The following MPRIP variants were observed in gnomAD, a reference collection of about 807,000 sequenced individuals.
The protein encoded by MPRIP is myosin phosphatase Rho interacting protein.
In MPRIP, 59 loss-of-function variants were observed where a neutral mutation model predicts 234.9. That is an observed-to-expected ratio of 0.25 (90% CI 0.20 to 0.31). MPRIP has a LOEUF of 0.31. Among genes scored for constraint, MPRIP ranks in the 10% least tolerant of loss-of-function variants. MPRIP has a pLI of 1.00. For missense variants in MPRIP, 2,436 were observed against 3,071.0 expected, an observed-to-expected ratio of 0.79 and a Z score of 4.89; for synonymous variants, 1,144 against 1,263.9, an observed-to-expected ratio of 0.91 and a Z score of 2.01.
At chr17:17,066,384 T>G (rs563221008) in intron 1 of MPRIP, among the ~76,000 whole-genome samples, 2 of 152,216 alleles carry the variant, frequency 1.3e-5, no homozygotes, top group Admixed American at 1.3e-4. Context: ...TTTTTCTGCA[T>G]CAGTTGATAG....
intron 13 of MPRIP, among the ~76,000 whole-genome samples, chr17:17,155,443 C>T (rs1271122888): frequency 6.6e-6 from 1 of 152,124 alleles, no homozygotes; most frequent in Non-Finnish European, 1.5e-5. Flanking sequence ...GGGATTTCAC[C>T]TTGTTGGCCA....
intron 7 of MPRIP, among the ~76,000 whole-genome samples, chr17:17,140,819 A>T (rs1298739265): frequency 6.6e-6 from 1 of 152,126 alleles, no homozygotes; most frequent in African/African-American, 2.4e-5. Flanking sequence ...GGCAGCAAGG[A>T]CAGCTCCCCA....
At chr17:17,067,373 C>T (rs1007004695) in intron 1 of MPRIP, among the ~76,000 whole-genome samples, 2 of 152,148 alleles carry the variant, frequency 1.3e-5, no homozygotes, top group South Asian at 2.1e-4. Context: ...ACTGCAACAC[C>T]ACCACAGTCC....
At position 17,075,802 on chromosome 17, in the gene MPRIP, G is replaced by T; in HGVS notation, c.201+15G>T. On this transcript the variant is annotated intron_variant, in intron 2 of 23. Transcript: ENST00000651222. ...ACCGGTCTCGGGTAAGGGCATCAGA[G>T]CCAACTCTCAGGGAGGAACCAGAGA... 6.2e-7 allele frequency: 1 copy of T among 1,613,646 alleles called. No homozygotes were observed. Among genetic ancestry groups the T allele is most frequent in the Non-Finnish European group, 8.5e-7 (1 of 1,179,624 alleles).
chr17:17,139,207 C>T (rs1203046578), intron 7 of MPRIP, among the ~76,000 whole-genome samples: 1 of 152,178 alleles, frequency 6.6e-6, no homozygotes, highest in African/African-American at 2.4e-5. Context: ...AGTTGGATGT[C>T]CTCTGAGGCC....
At chr17:17,067,189 C>CT (rs1166968429) in intron 1 of MPRIP, among the ~76,000 whole-genome samples, 1 of 152,142 alleles carries the variant, frequency 6.6e-6, no homozygotes, top group Non-Finnish European at 1.5e-5. Context: ...AAGATTTATT[C>CT]TTACTGTACA....
chr17:17,090,285 CT>C (rs2089684541), intron 3 of MPRIP, among the ~76,000 whole-genome samples: 1 of 152,216 alleles, frequency 6.6e-6, no homozygotes, highest in South Asian at 2.1e-4. Context: ...CTAAGGCAGG[CT>C]TGTCCCGCAG....
chr17:17,042,915 C>A lies in MPRIP; in HGVS notation c.67C>A (p.Gln23Lys). 6.2e-7 allele frequency: 1 copy of A among 1,610,878 alleles called. No homozygotes were observed. The highest frequency in any genetic ancestry group is 8.5e-7 in the Non-Finnish European group (1 of 1,179,142). ...QANIFNKSKC[Q>K]NCFKPRESHL... ...CAACATCTTCAACAAGAGCAAGTGT[C>A]AGAACTGCTTCAAGCCCCGCGAGTC... Residue 23 changes from glutamine to lysine, a missense_variant, in exon 1 of 24, where the codon CAG becomes AAG. Around this residue, in one of 4 missense-constraint regions of MPRIP, gnomAD observed 140 missense variants for 207.3 expected, o/e 0.68. Coordinates refer to ENST00000651222, the MANE Select transcript of MPRIP (RefSeq NM_001364716.4).
chr17:17,180,419 A>G (rs547102088), intron 23 of MPRIP, among the ~76,000 whole-genome samples: 2 of 152,218 alleles, frequency 1.3e-5, no homozygotes, highest in African/African-American at 4.8e-5. Flanking sequence ...CTTGCACATC[A>G]CTGTTGTGAC....
chr17:17,154,566 A>AGG, intron 13 of MPRIP, 151 bp downstream of exon 13: 1 of 654,752 alleles, frequency 1.5e-6, no homozygotes, highest in East Asian at 2.7e-5. Context: ...TCTGTTGCTC[A>AGG]GGTTCCTGTC....
intron 1 of MPRIP, among the ~76,000 whole-genome samples, chr17:17,070,572 T>A (rs1444785867): frequency 6.6e-6 from 1 of 152,234 alleles, no homozygotes; most frequent in Non-Finnish European, 1.5e-5. Context: ...TTATTTCAGT[T>A]ACCGTATTTT....
At chr17:17,048,790 G>A (rs1476155473) in intron 1 of MPRIP, among the ~76,000 whole-genome samples, 1 of 152,174 alleles carries the variant, frequency 6.6e-6, no homozygotes, top group East Asian at 1.9e-4. Context: ...AAAAAGTTCA[G>A]CATAAAACCT....
rs576678858 is a variant in MPRIP at position 17,053,571 on chromosome 17, A to G, written c.123+10600A>G. ...TAGCATGCTGGCCCATCTGCTCTTGAATGTCCACCATGGGCCAGGCCATGG... is the reference window on the plus strand; with the variant it reads ...TAGCATGCTGGCCCATCTGCTCTTGGATGTCCACCATGGGCCAGGCCATGG... On this transcript the variant is annotated intron_variant, in intron 1 of 23. Coordinates refer to ENST00000651222, the MANE Select transcript of MPRIP (RefSeq NM_001364716.4). Among the ~76,000 whole-genome samples the G allele has an allele frequency of 2.6e-5, 4 of 152,246 alleles. No individual in the cohort carries two copies. In the South Asian group the frequency reaches 8.3e-4, roughly 32 times the overall value.
At chr17:17,175,159 G>A in intron 19 of MPRIP, 134 bp from the exon 20 acceptor site, 7 of 1,284,284 alleles carry the variant, frequency 5.5e-6, no homozygotes, top group Non-Finnish European at 7.8e-6. Flanking sequence ...AGGAATTAAG[G>A]GTTATCGATT....
intron 3 of MPRIP, among the ~76,000 whole-genome samples, chr17:17,095,718 C>T (rs1381485936): frequency 6.6e-6 from 1 of 152,114 alleles, no homozygotes; most frequent in African/African-American, 2.4e-5. Context: ...CTGGCCAGAG[C>T]CAAGCCCTGG....
At chr17:17,121,820 C>G (rs1451441458) in intron 3 of MPRIP, among the ~76,000 whole-genome samples, 1 of 152,168 alleles carries the variant, frequency 6.6e-6, no homozygotes, top group African/African-American at 2.4e-5. Context: ...CCCACCCTCC[C>G]CACTCTGAAA....
At position 17,138,352 on chromosome 17, in the gene MPRIP, A is replaced by G. The variant is rs535451325; in HGVS notation, c.1173A>G (p.Arg391=). ...ISHREAFQVE[R]RRLERRTRAR... ...ACCGAGAAGCCTTCCAGGTGGAGAG[A>G]AGGCGGCTGGAGCGTAGAACTCGGG... Residue 391 remains arginine, a synonymous_variant, in exon 7 of 24, where the codon AGA becomes AGG. Transcript: ENST00000651222. This position sits in a 1 kb window ranked among gnomAD's most constrained non-coding sequence, Gnocchi z 5.8. The G allele has an allele frequency of 2.8e-6, 1 of 359,428 alleles. No individual in the cohort carries two copies. Among genetic ancestry groups the G allele is most frequent in the East Asian group, 4.8e-5 (1 of 20,770 alleles). 22.3% of individuals were successfully genotyped at this position (359,428 alleles called of 1,614,324 possible). A position where few individuals can be genotyped will look rare whatever the true frequency, so the allele number is the denominator to read the frequency against.
intron 12 of MPRIP, among the ~76,000 whole-genome samples, chr17:17,151,890 C>T (rs1223027236): frequency 2.0e-5 from 3 of 152,250 alleles, no homozygotes; most frequent in Non-Finnish European, 4.4e-5. Flanking sequence ...ACTTGGTTCT[C>T]ACACAAGGCT....
At chr17:17,082,016 T>C (rs539741994) in intron 3 of MPRIP, among the ~76,000 whole-genome samples, 1 of 152,276 alleles carries the variant, frequency 6.6e-6, no homozygotes, top group African/African-American at 2.4e-5. Flanking sequence ...GAAACCCAGA[T>C]TGCTGCCTCT....
Sources: allele counts gnomAD v4.1 joint callset (sites outside exome capture counted in the v4.1 genomes callset), GRCh38; gene constraint gnomAD v4.1.1; regional missense constraint gnomAD v4.1.1; non-coding constraint Gnocchi (gnomAD v3.1); transcripts MANE v1.5; gene names NCBI Gene and HGNC (gene_info 2026-07-23, HGNC 2026-07-21).